The following SUDS3 variants were observed in gnomAD, a reference collection of about 807,000 sequenced individuals.
The protein encoded by SUDS3 is SIN3A corepressor complex component SDS3, also known as sin3 histone deacetylase corepressor complex component SDS3.
SUDS3 carries 23 observed loss-of-function variants against 53.5 expected under a neutral mutation model. That is an observed-to-expected ratio of 0.43 (90% CI 0.31 to 0.61). SUDS3 has a LOEUF of 0.61. SUDS3 is among the 20% of genes least tolerant of loss of function. SUDS3 has a pLI of 0.10. For missense variants in SUDS3, 291 were observed against 405.9 expected (o/e 0.72, Z 2.43); for synonymous variants, 150 against 148.5 (o/e 1.01, Z -0.08).
intron 4 of SUDS3, among the ~76,000 whole-genome samples, chr12:118,387,258 A>G (rs958070786): frequency 1.3e-5 from 2 of 152,178 alleles, no homozygotes; most frequent in Non-Finnish European, 2.9e-5. Context: ...GATGTCTTGA[A>G]AATCCTCAAC....
intron 2 of SUDS3, among the ~76,000 whole-genome samples, chr12:118,381,933 T>C (rs1363233003): frequency 6.6e-6 from 1 of 152,258 alleles, no homozygotes; most frequent in Non-Finnish European, 1.5e-5. Context: ...CTTTAGGTCC[T>C]TTTTGCAAAT....
chr12:118,384,531 G>A lies in SUDS3; in HGVS notation c.268+464G>A, dbSNP rs149169371. 3.7e-3 allele frequency among the ~76,000 whole-genome samples: 566 copies of A among 152,300 alleles called. 2 individuals carry two copies. Among genetic ancestry groups the A allele is most frequent in the Non-Finnish European group, 6.2e-3 (420 of 68,022 alleles). Reference sequence around the variant, plus strand: ...CTGCTAAAGGCAGTGCAGCATCAGAGTTAAGAGTGCAGGCTGTGAGGCCAG... The same window carrying A: ...CTGCTAAAGGCAGTGCAGCATCAGAATTAAGAGTGCAGGCTGTGAGGCCAG... On this transcript the variant is annotated intron_variant, in intron 3 of 11. Coordinates refer to ENST00000543473, the MANE Select transcript of SUDS3 (RefSeq NM_022491.3).
intron 4 of SUDS3, 146 bp downstream of exon 4, chr12:118,386,331 C>A: frequency 2.9e-6 from 2 of 701,542 alleles, no homozygotes; most frequent in Non-Finnish European, 4.8e-6. Context: ...GACTTCCAAG[C>A]TGCAGTTATG....
Position 118,380,243 on chromosome 12 carries a change from A to C in SUDS3, c.212+12A>C. On this transcript the variant is annotated intron_variant, in intron 2 of 11. Coordinates refer to ENST00000543473, the MANE Select transcript of SUDS3 (RefSeq NM_022491.3). ...GAAATGAAGGAACAGTGAGTATGAT[A>C]TGCCTATGTCTTTTTGGAACATAGA... 1 of 1,596,038 alleles carries C rather than the reference A, an allele frequency of 6.3e-7. No homozygotes were observed. Among genetic ancestry groups the C allele is most frequent in the South Asian group, 1.1e-5 (1 of 88,140 alleles).
At chr12:118,411,963 G>A (rs1381147354) in intron 11 of SUDS3, among the ~76,000 whole-genome samples, 1 of 152,238 alleles carries the variant, frequency 6.6e-6, no homozygotes, top group African/African-American at 2.4e-5. Context: ...CTAGCACCCA[G>A]TAAGTGCTCA....
intron 2 of SUDS3, among the ~76,000 whole-genome samples, chr12:118,382,405 G>A (rs974972136): frequency 6.6e-6 from 1 of 150,822 alleles, no homozygotes; most frequent in East Asian, 2.0e-4. Flanking sequence ...TTTGTTGCCT[G>A]GGCTGGAGTG....
chr12:118,387,190 T>G (rs2046122626), intron 4 of SUDS3, among the ~76,000 whole-genome samples: 2 of 152,306 alleles, frequency 1.3e-5, no homozygotes, highest in South Asian at 4.1e-4. Context: ...CTTTCCACCT[T>G]CTACCTCTCC....
intron 9 of SUDS3, chr12:118,402,630 AAG>A (rs71069440): frequency 0.45 from 68,688 of 152,028 alleles, 15,685 homozygotes; most frequent in Middle Eastern, 0.55. Context: ...GGAAGAAAAC[AAG>A]AGTCTTCTTT....
intron 6 of SUDS3, among the ~76,000 whole-genome samples, chr12:118,397,042 C>T (rs1051259639): frequency 3.9e-5 from 6 of 152,144 alleles, no homozygotes; most frequent in South Asian, 2.1e-4. Context: ...TCTCACATAA[C>T]GCTCTCTCAA....
chr12:118,411,932 A>G (rs1399907849), intron 11 of SUDS3, among the ~76,000 whole-genome samples: 1 of 152,198 alleles, frequency 6.6e-6, no homozygotes, highest in Non-Finnish European at 1.5e-5. Context: ...TGAGGATTGA[A>G]TGAGGCACCT....
At chr12:118,377,903 T>C (rs1258703618) in intron 1 of SUDS3, among the ~76,000 whole-genome samples, 1 of 152,208 alleles carries the variant, frequency 6.6e-6, no homozygotes, top group Non-Finnish European at 1.5e-5. Context: ...GGAAGGCCTC[T>C]TGACTGAAGG....
At chr12:118,390,849 A>G in intron 5 of SUDS3, 1 of 422,324 alleles carries the variant, frequency 2.4e-6, no homozygotes, top group Non-Finnish European at 4.5e-6. Context: ...GCGATTATTT[A>G]CTACCTTTGA....
chr12:118,389,412 T>A (rs1593760435), intron 4 of SUDS3, among the ~76,000 whole-genome samples: 1 of 151,926 alleles, frequency 6.6e-6, no homozygotes, highest in Admixed American at 6.6e-5. Flanking sequence ...GTGGACTGAG[T>A]GAAAGATGGG....
At chr12:118,396,970 A>G (rs1476631332) in intron 6 of SUDS3, among the ~76,000 whole-genome samples, 1 of 152,178 alleles carries the variant, frequency 6.6e-6, no homozygotes, top group African/African-American at 2.4e-5. Context: ...ATTAAAAGTC[A>G]TATTGCAGGG....
intron 6 of SUDS3, among the ~76,000 whole-genome samples, chr12:118,395,408 A>G (rs1472416493): frequency 6.6e-6 from 1 of 151,198 alleles, no homozygotes; most frequent in African/African-American, 2.4e-5. Flanking sequence ...TTGTATTTTT[A>G]GTAGTGATGG....
chr12:118,411,249 A>G, intron 11 of SUDS3, 92 bp downstream of exon 11: 1 of 1,045,636 alleles, frequency 9.6e-7, no homozygotes, highest in Middle Eastern at 2.0e-4. Context: ...CCACCAAGGA[A>G]GTACAGTGGA....
intron 6 of SUDS3, among the ~76,000 whole-genome samples, chr12:118,396,003 C>A (rs1014528197): frequency 1.3e-5 from 2 of 152,054 alleles, no homozygotes; most frequent in Non-Finnish European, 2.9e-5. Context: ...TTATTCCCCA[C>A]CCCCACAAAC....
intron 6 of SUDS3, among the ~76,000 whole-genome samples, chr12:118,392,869 G>A (rs942426697): frequency 1.3e-5 from 2 of 152,246 alleles, no homozygotes; most frequent in African/African-American, 4.8e-5. Flanking sequence ...ACAAGCGATA[G>A]ACATTGTTTG....
intron 1 of SUDS3, among the ~76,000 whole-genome samples, 154 bp downstream of exon 1, chr12:118,376,987 A>C (rs1253530131): frequency 2.0e-5 from 3 of 152,006 alleles, no homozygotes; most frequent in Non-Finnish European, 2.9e-5. Flanking sequence ...AGTTACCCCC[A>C]TCCGTGCTGG....
Sources: allele counts gnomAD v4.1 joint callset (sites outside exome capture counted in the v4.1 genomes callset), GRCh38; gene constraint gnomAD v4.1.1; transcripts MANE v1.5; gene names NCBI Gene and HGNC (gene_info 2026-07-23, HGNC 2026-07-21).